ELMO2: variants seen among roughly 807,000 people sequenced by gnomAD.
The protein encoded by ELMO2 is engulfment and cell motility protein 2.
A neutral mutation model predicts 96.2 loss-of-function variants in ELMO2; 37 were observed. The ratio of observed to expected loss-of-function variants is 0.38; its 90% confidence interval spans 0.30 to 0.51. The LOEUF (loss-of-function observed/expected upper bound fraction) is 0.51, where lower values mean the gene tolerates loss of function less well. ELMO2 is among the 20% of genes least tolerant of loss of function. ELMO2 has a pLI of 0.88. For synonymous variants in ELMO2, 315 were observed against 329.4 expected (o/e 0.96, Z 0.47); for missense variants, 561 against 912.6 (o/e 0.61, Z 4.96).
intron 8 of ELMO2, 66 bp downstream of exon 8, chr20:46,387,272 C>T: frequency 1.4e-6 from 2 of 1,392,994 alleles, no homozygotes; most frequent in East Asian, 2.3e-5. Context: ...TTGCCTGTAT[C>T]TCCCCTTAAG....
chr20:46,370,004 G>C (rs991991452), intron 20 of ELMO2: 9 of 336,424 alleles, frequency 2.7e-5, no homozygotes, highest in African/African-American at 2.1e-4. Context: ...GTGTGTGTGT[G>C]TATCCATATA....
Position 46,375,911 on chromosome 20 carries a change from G to C in ELMO2, c.808-121C>G. On this transcript the variant is annotated intron_variant, in intron 11 of 21. Transcript: ENST00000290246. This position sits in a 1 kb window ranked among gnomAD's most constrained non-coding sequence, Gnocchi z 4.6. ...GGAACAGAGCTTTCCTCCCACACAC[G>C]AGGACTTCATATTCTAGAAGGCGAT... 2 of 1,331,168 alleles carry C rather than the reference G, an allele frequency of 1.5e-6. No individual in the cohort carries two copies. The highest frequency in any genetic ancestry group is 2.1e-6 in the Non-Finnish European group (2 of 973,470). 82.5% of individuals were successfully genotyped at this position (1,331,168 alleles called of 1,614,324 possible). A position where few individuals can be genotyped will look rare whatever the true frequency, so the allele number is the denominator to read the frequency against.
chr20:46,406,313 C>G (rs1312349470), intron 1 of ELMO2, among the ~76,000 whole-genome samples: 1 of 152,154 alleles, frequency 6.6e-6, no homozygotes, highest in Non-Finnish European at 1.5e-5. Flanking sequence ...CGCGACGCCC[C>G]TTCTGGGTCC....
chr20:46,403,654 A>G (rs552894482), intron 1 of ELMO2, among the ~76,000 whole-genome samples: 9 of 152,302 alleles, frequency 5.9e-5, no homozygotes, highest in Middle Eastern at 3.4e-3. Flanking sequence ...TAGTCATTTT[A>G]TGTGATCCAG....
intron 2 of ELMO2, among the ~76,000 whole-genome samples, chr20:46,397,396 G>A (rs1241805118): frequency 1.3e-5 from 2 of 152,156 alleles, no homozygotes; most frequent in African/African-American, 4.8e-5. Flanking sequence ...CTGGCTGGGC[G>A]TGGTGGCTCA....
At chr20:46,389,465 C>A (rs938693964) in intron 6 of ELMO2, among the ~76,000 whole-genome samples, 2 of 152,130 alleles carry the variant, frequency 1.3e-5, no homozygotes, top group Non-Finnish European at 2.9e-5. Flanking sequence ...TAAAAAATTC[C>A]TACCAAGGGA....
At position 46,367,488 on chromosome 20, in the gene ELMO2, G is replaced by A. The variant is rs754833560; in HGVS notation, c.2035C>T (p.Leu679=). ...DMSSELTKSD[L]DTLLSMEMKL... is the part of the protein sequence containing the mutation. ...ATCTCCATGCTCAGCAGGGTGTCCA[G>A]GTCACTCTTGGTCAGCTCACTGGAC... The change falls in exon 22 of 22, where the codon CTG becomes TTG. Residue 679 remains leucine, a synonymous_variant. Transcript: ENST00000290246. The A allele has an allele frequency of 2.0e-5, 33 of 1,613,700 alleles. No homozygotes were observed. The East Asian group carries it at 5.8e-4, about 28-fold the overall frequency.
chr20:46,371,994 C>T lies in ELMO2; in HGVS notation c.1417-25G>A, dbSNP rs771259016. ...CCTAAGAGGAGAAGAACCCAGCCAA[C>T]TCACACCACTACTCTTGAGAAATGG... On this transcript the variant is annotated intron_variant, in intron 16 of 21. Transcript: ENST00000290246. The surrounding 1 kb of genome is among the most constrained non-coding windows in gnomAD (Gnocchi z 5.9). The T allele has an allele frequency of 8.1e-6, 13 of 1,612,686 alleles. No homozygotes were observed. Among genetic ancestry groups the T allele is most frequent in the Non-Finnish European group, 6.8e-6 (8 of 1,179,810 alleles).
chr20:46,370,459 G>A lies in ELMO2; in HGVS notation c.1868C>T (p.Ala623Val). The change falls in exon 20 of 22, where the codon GCT becomes GTT. Residue 623 changes from alanine (A) to valine (V), a missense_variant. Ala to Val is a moderately conservative substitution (Grantham distance 64). Coordinates refer to ENST00000290246, the MANE Select transcript of ELMO2 (RefSeq NM_133171.5). ...TCTACTCACCTTGTTCTGTTTCAGA[G>A]CACTTTTCTCTTTCATGTGGGGACA... ...KDCPHMKEKS[A>V]LKQNKEVLEL... 6.2e-7 allele frequency: 1 copy of A among 1,614,170 alleles called. No homozygotes were observed. Among genetic ancestry groups the A allele is most frequent in the Non-Finnish European group, 8.5e-7 (1 of 1,180,010 alleles).
intron 20 of ELMO2, chr20:46,370,075 A>C: frequency 2.6e-6 from 1 of 383,476 alleles, no homozygotes; most frequent in Non-Finnish European, 5.0e-6. Context: ...GAAAGTCACC[A>C]TCAGTGGAAT....
At chr20:46,402,758 T>C (rs942398798) in intron 1 of ELMO2, among the ~76,000 whole-genome samples, 1 of 152,190 alleles carries the variant, frequency 6.6e-6, no homozygotes, top group Admixed American at 6.5e-5. Flanking sequence ...TGCCACCAGT[T>C]AGGGACAAAA....
chr20:46,405,170 A>AAATACATT (rs2060406771), intron 1 of ELMO2, among the ~76,000 whole-genome samples: 1 of 152,248 alleles, frequency 6.6e-6, no homozygotes, highest in African/African-American at 2.4e-5. Context: ...AGAAATATCA[A>AAATACATT]TACTTTTGTA....
At chr20:46,374,702 G>C in intron 13 of ELMO2, 62 bp from the exon 14 acceptor site, 1 of 1,469,182 alleles carries the variant, frequency 6.8e-7, no homozygotes, top group East Asian at 2.3e-5. Flanking sequence ...GGGACCTGAG[G>C]GGATGCCCTC....
intron 11 of ELMO2, among the ~76,000 whole-genome samples, chr20:46,379,285 C>G (rs1470756245): frequency 1.3e-5 from 2 of 152,070 alleles, no homozygotes; most frequent in Admixed American, 6.5e-5. Context: ...TGAGCCACCA[C>G]GTCCGGCCAA....
intron 9 of ELMO2, among the ~76,000 whole-genome samples, chr20:46,384,050 G>A (rs3848681): frequency 0.4 from 61,324 of 151,952 alleles, 15,346 homozygotes; most frequent in African/African-American, 0.71. Flanking sequence ...AATGTTCAAG[G>A]TGTATTATTC....
chr20:46,380,144 C>T, intron 11 of ELMO2, 109 bp downstream of exon 11: 3 of 926,600 alleles, frequency 3.2e-6, no homozygotes, highest in Non-Finnish European at 5.0e-6. Context: ...TGATAAGGTT[C>T]CTCTGTGTGT....
chr20:46,386,612 G>T (rs1463415604), intron 8 of ELMO2, among the ~76,000 whole-genome samples: 1 of 152,142 alleles, frequency 6.6e-6, no homozygotes, highest in Non-Finnish European at 1.5e-5. Context: ...TTATCTCCAT[G>T]TACCTCCCCT....
At chr20:46,392,019 C>G (rs547580582) in intron 6 of ELMO2, among the ~76,000 whole-genome samples, 8 of 152,208 alleles carry the variant, frequency 5.3e-5, no homozygotes, top group Non-Finnish European at 8.8e-5. Context: ...TTTTACTTGA[C>G]CACTTCAGTG....
At chr20:46,372,053 T>C in intron 16 of ELMO2, 84 bp from the exon 17 acceptor site, 2 of 1,567,040 alleles carry the variant, frequency 1.3e-6, no homozygotes, top group Non-Finnish European at 1.7e-6. Context: ...GGCTCTTTCC[T>C]GCCCCAGGGT....
Sources: gnomAD v4.1 joint callset for allele counts (sites outside exome capture counted in the v4.1 genomes callset) on GRCh38, gnomAD v4.1.1 for gene constraint, Gnocchi (gnomAD v3.1) non-coding constraint, MANE v1.5 for transcripts, NCBI Gene and HGNC (gene_info 2026-07-23, HGNC 2026-07-21) for gene names.